Variants in INPP4B observed in about 807,000 individuals in gnomAD.
INPP4B encodes the protein inositol polyphosphate-4-phosphatase type II B.
INPP4B carries 55 observed loss-of-function variants against 122.5 expected under a neutral mutation model. That is an observed-to-expected ratio of 0.45 (90% confidence interval 0.36 to 0.56). The LOEUF (loss-of-function observed/expected upper bound fraction) is 0.56, where lower values mean the gene tolerates loss of function less well. Ranked by LOEUF, INPP4B falls within the 20% of genes least tolerant of loss-of-function variation. The pLI is 0.00. For missense variants in INPP4B, 1,000 were observed against 1,097.7 expected, an observed-to-expected ratio of 0.91 and a Z score of 1.26; for synonymous variants, 403 against 388.7, an observed-to-expected ratio of 1.04 and a Z score of -0.43.
intron 9 of INPP4B, among the ~76,000 whole-genome samples, chr4:142,272,037 G>A (rs577841682): frequency 6.6e-6 from 1 of 152,168 alleles, no homozygotes; most frequent in Non-Finnish European, 1.5e-5. Context: ...ATGTGTTGCT[G>A]TCACTTCTAT....
chr4:142,797,314 T>C lies in INPP4B; in HGVS notation c.-254+48895A>G, dbSNP rs145126532. On this transcript the variant is annotated intron_variant, in intron 1 of 25. Transcript: ENST00000262992. ...ATTCTTAGACTTACGTTCTACTGCC[T>C]TTTGAAACATAGCACCTATAAAACA... Among the ~76,000 whole-genome samples, 1,205 of 152,116 alleles carry C rather than the reference T, an allele frequency of 7.9e-3. 17 individuals carry two copies. Among genetic ancestry groups the C allele is most frequent in the African/African-American group, 0.026 (1,099 of 41,560 alleles).
At position 142,666,975 on chromosome 4, in the gene INPP4B, T is replaced by A. The variant is rs544884158; in HGVS notation, c.-191+58864A>T. Among the ~76,000 whole-genome samples, 37 of 152,308 alleles carry A rather than the reference T, an allele frequency of 2.4e-4. 2 individuals carry two copies. The highest frequency in any genetic ancestry group is 2.2e-3 in the Admixed American group (34 of 15,308). Reference sequence around the variant, plus strand: ...CCCATATTTTAAAACATGGACTTTATAAATAAAAGAAATCACTTAACATGA... The same window carrying A: ...CCCATATTTTAAAACATGGACTTTAAAAATAAAAGAAATCACTTAACATGA... On this transcript the variant is annotated intron_variant, in intron 2 of 25. Coordinates refer to ENST00000262992, the MANE Select transcript of INPP4B (RefSeq NM_001101669.3).
At chr4:142,671,143 G>A (rs1242164900) in intron 2 of INPP4B, among the ~76,000 whole-genome samples, 1 of 151,960 alleles carries the variant, frequency 6.6e-6, no homozygotes, top group African/African-American at 2.4e-5. Flanking sequence ...CCAAAGTTTT[G>A]GGCGGTTGCA....
intron 1 of INPP4B, among the ~76,000 whole-genome samples, chr4:142,836,903 T>A (rs996603307): frequency 3.3e-5 from 5 of 152,132 alleles, no homozygotes; most frequent in Non-Finnish European, 7.4e-5. Flanking sequence ...TGGTGGCTCA[T>A]GCCTGTAATC....
chr4:142,092,201 AT>A (rs1294846253), intron 23 of INPP4B, among the ~76,000 whole-genome samples: 1 of 152,222 alleles, frequency 6.6e-6, no homozygotes. Flanking sequence ...CATAACAGCC[AT>A]CTTTTAGCCA....
intron 2 of INPP4B, among the ~76,000 whole-genome samples, chr4:142,524,508 G>GT (rs780959396): frequency 3.0e-4 from 45 of 151,830 alleles, no homozygotes; most frequent in Non-Finnish European, 5.7e-4. Flanking sequence ...GGGGTTGTTT[G>GT]TTTTTTTCTT....
chr4:142,333,759 T>A (rs1775565981), intron 7 of INPP4B, among the ~76,000 whole-genome samples: 1 of 152,158 alleles, frequency 6.6e-6, no homozygotes, highest in Non-Finnish European at 1.5e-5. Context: ...ACAATAAAAA[T>A]TAAATACAGT....
In INPP4B at chr4:142,123,731, AT is replaced by A. The variant is rs573246166; in HGVS notation, c.1894-317del. On this transcript the variant is annotated intron_variant, in intron 19 of 25. Coordinates refer to ENST00000262992, the MANE Select transcript of INPP4B (RefSeq NM_001101669.3). ...CACTTAAGCACTTCCAAATCTTACT[AT>A]TTTTTGTACATGTAAAATAGAGATG... Among the ~76,000 whole-genome samples the A allele has an allele frequency of 5.1e-4, 77 of 152,232 alleles. 2 individuals carry two copies. The highest frequency in any genetic ancestry group is 1.6e-3 in the Admixed American group (25 of 15,270).
intron 7 of INPP4B, among the ~76,000 whole-genome samples, chr4:142,393,550 A>G (rs1579938545): frequency 1.3e-5 from 2 of 152,344 alleles, no homozygotes; most frequent in East Asian, 1.9e-4. Flanking sequence ...GTTTTGGTCA[A>G]TCTCTCAAAA....
At chr4:142,626,005 C>T (rs542822733) in intron 2 of INPP4B, among the ~76,000 whole-genome samples, 3 of 152,146 alleles carry the variant, frequency 2.0e-5, no homozygotes, top group Non-Finnish European at 4.4e-5. Context: ...AAGACTTAAA[C>T]GTTAGACCTA....
At chr4:142,137,003 A>T (rs1250428182) in intron 18 of INPP4B, among the ~76,000 whole-genome samples, 2 of 152,188 alleles carry the variant, frequency 1.3e-5, no homozygotes, top group Non-Finnish European at 2.9e-5. Context: ...CAAGATACCA[A>T]TGAGTTTCTT....
At chr4:142,815,210 T>C (rs1779974906) in intron 1 of INPP4B, among the ~76,000 whole-genome samples, 1 of 151,988 alleles carries the variant, frequency 6.6e-6, no homozygotes, top group Admixed American at 6.6e-5. Flanking sequence ...ACAAGGAAAA[T>C]CTGAGAAACT....
At chr4:142,327,472 T>C (rs1240252310) in intron 7 of INPP4B, among the ~76,000 whole-genome samples, 1 of 149,130 alleles carries the variant, frequency 6.7e-6, no homozygotes, top group African/African-American at 2.5e-5. Flanking sequence ...GGGCATGGAG[T>C]GGAGGGGCTT....
At chr4:142,052,176 A>G (rs190361750) in intron 25 of INPP4B, among the ~76,000 whole-genome samples, 9 of 152,124 alleles carry the variant, frequency 5.9e-5, no homozygotes, top group Admixed American at 2.6e-4. Context: ...TTACAAAATG[A>G]CCTCACAAAT....
intron 1 of INPP4B, among the ~76,000 whole-genome samples, chr4:142,835,123 G>T (rs188300557): frequency 6.6e-6 from 1 of 152,154 alleles, no homozygotes; most frequent in Non-Finnish European, 1.5e-5. Flanking sequence ...CTTATAGCTC[G>T]CATATAATTT....
chr4:142,819,419 A>C (rs954025653), intron 1 of INPP4B, among the ~76,000 whole-genome samples: 2 of 152,144 alleles, frequency 1.3e-5, no homozygotes, highest in African/African-American at 4.8e-5. Context: ...CCAAGCAACA[A>C]GGCAAGAAAC....
chr4:142,430,738 A>G lies in INPP4B; in HGVS notation c.91+431T>C, dbSNP rs183589657. 2.4e-3 allele frequency among the ~76,000 whole-genome samples: 365 copies of G among 152,056 alleles called. 3 individuals are homozygous for G. Among genetic ancestry groups the G allele is most frequent in the African/African-American group, 8.0e-3 (334 of 41,498 alleles). On this transcript the variant is annotated intron_variant, in intron 4 of 25. Coordinates refer to ENST00000262992, the MANE Select transcript of INPP4B (RefSeq NM_001101669.3). Reference sequence around the variant, plus strand: ...GACAGTCTAAATTTCTAGTGTAACAATTTTTTTCTTAATGCTTTCAACTTA... The same window carrying G: ...GACAGTCTAAATTTCTAGTGTAACAGTTTTTTTCTTAATGCTTTCAACTTA...
chr4:142,338,690 C>T (rs1777678189), intron 7 of INPP4B, among the ~76,000 whole-genome samples: 1 of 152,074 alleles, frequency 6.6e-6, no homozygotes, highest in Non-Finnish European at 1.5e-5. Context: ...ACTAAATATG[C>T]TATCTATATA....
intron 2 of INPP4B, among the ~76,000 whole-genome samples, chr4:142,677,542 T>C (rs1376804183): frequency 1.3e-5 from 2 of 152,150 alleles, no homozygotes; most frequent in East Asian, 1.9e-4. Context: ...CACAGGCACA[T>C]GCATGTTTAT....
Sources: gnomAD v4.1 joint callset for allele counts (sites outside exome capture counted in the v4.1 genomes callset) on GRCh38, gnomAD v4.1.1 for gene constraint, MANE v1.5 for transcripts, NCBI Gene and HGNC (gene_info 2026-07-23, HGNC 2026-07-21) for gene names.